Variants in PCAT7 observed in about 807,000 individuals in gnomAD.
The protein encoded by PCAT7 is prostate cancer associated transcript 7.
intron 1 of PCAT7, among the ~76,000 whole-genome samples, chr9:94,555,922 AAGC>A (rs757389679): frequency 4.7e-5 from 7 of 149,138 alleles, no homozygotes; most frequent in African/African-American, 1.7e-4. Flanking sequence ...GGAGGGTGGC[AAGC>A]AGTATAGGGG....
At chr9:94,566,946 T>C (rs900489639) in intron 2 of PCAT7, among the ~76,000 whole-genome samples, 2 of 121,414 alleles carry the variant, frequency 1.6e-5, no homozygotes, top group Non-Finnish European at 3.4e-5. Context: ...TGAGTGAGTC[T>C]ATAGGTTGGA....
In PCAT7 at chr9:94,571,507, CACCAGGGTTGCACT is replaced by C. The variant is rs1267480078; in HGVS notation, n.442-1468_442-1455del. 1.9e-6 allele frequency: 3 copies of C among 1,613,962 alleles called. No individual in the cohort carries two copies. The African/African-American group carries it at 4.0e-5, about 22-fold the overall frequency. Reference sequence around the variant, plus strand: ...CCACGCCTTGCCCTGTGGAGAGAGCCACCAGGGTTGCACTACCGTACAGCGCATAACCTGCGGCC... The same window carrying C: ...CCACGCCTTGCCCTGTGGAGAGAGCCACCGTACAGCGCATAACCTGCGGCC... On this transcript the variant is annotated intron_variant and non_coding_transcript_variant, in intron 2 of 8. Transcript: ENST00000647389.
intron 2 of PCAT7, chr9:94,569,391 C>T (rs373005777): frequency 2.6e-5 from 4 of 152,182 alleles, no homozygotes; most frequent in African/African-American, 9.7e-5. Context: ...TTAATTGAGC[C>T]GGGGTCAATT....
intron 2 of PCAT7, among the ~76,000 whole-genome samples, chr9:94,561,992 G>A (rs1827112372): frequency 6.6e-6 from 1 of 152,112 alleles, no homozygotes; most frequent in African/African-American, 2.4e-5. Flanking sequence ...ATGTAACTGA[G>A]TAAGTGACCA....
intron 2 of PCAT7, chr9:94,570,479 A>T (rs1029567551): frequency 1.3e-5 from 2 of 152,224 alleles, no homozygotes; most frequent in African/African-American, 4.8e-5. Flanking sequence ...TAATAGATGT[A>T]AATTTCATAG....
chr9:94,563,069 A>C (rs1827132796), intron 2 of PCAT7, among the ~76,000 whole-genome samples: 1 of 152,254 alleles, frequency 6.6e-6, no homozygotes, highest in African/African-American at 2.4e-5. Flanking sequence ...AGTGAGACAC[A>C]CAGCTGGTTC....
At chr9:94,569,283 C>T (rs537821938) in intron 2 of PCAT7, 1 of 152,396 alleles carries the variant, frequency 6.6e-6, no homozygotes, top group Non-Finnish European at 1.5e-5. Context: ...GGCCATGTTG[C>T]GAGACCACTG....
At chr9:94,562,551 T>C (rs1345886878) in intron 2 of PCAT7, among the ~76,000 whole-genome samples, 1 of 152,168 alleles carries the variant, frequency 6.6e-6, no homozygotes, top group African/African-American at 2.4e-5. Flanking sequence ...TGGCTTTGAT[T>C]CTTAGCATTC....
At chr9:94,558,186 G>A (rs1827035663) in intron 1 of PCAT7, among the ~76,000 whole-genome samples, 1 of 152,134 alleles carries the variant, frequency 6.6e-6, no homozygotes, top group Non-Finnish European at 1.5e-5. Flanking sequence ...TCCAAAATAA[G>A]ACACAAATAC....
chr9:94,559,104 A>G (rs1459033667), exon 2 of PCAT7: 1 of 1,613,598 alleles, frequency 6.2e-7, no homozygotes, highest in Non-Finnish European at 8.5e-7. Context: ...GATGTAGGCC[A>G]CGGGATTGCA....
chr9:94,554,813 G>A (rs1020642334), upstream of PCAT7, among the ~76,000 whole-genome samples: 3 of 151,988 alleles, frequency 2.0e-5, no homozygotes, highest in Non-Finnish European at 4.4e-5. Context: ...TCCAGGGGGC[G>A]AAAAGTGACG....
chr9:94,570,485 C>G (rs1336825437), intron 2 of PCAT7: 1 of 152,164 alleles, frequency 6.6e-6, no homozygotes, highest in Non-Finnish European at 1.5e-5. Context: ...ATGTAAATTT[C>G]ATAGGACAGG....
At chr9:94,568,889 A>C (rs1324455264) in intron 2 of PCAT7, 1 of 152,148 alleles carries the variant, frequency 6.6e-6, no homozygotes, top group African/African-American at 2.4e-5. Context: ...TCTCTTCCTC[A>C]AATCCTCTTT....
At chr9:94,557,783 T>C (rs1463180030) in intron 1 of PCAT7, among the ~76,000 whole-genome samples, 1 of 152,234 alleles carries the variant, frequency 6.6e-6, no homozygotes. Context: ...TGGATTTGAT[T>C]TGATTTGTCA....
At chr9:94,554,773 G>C (rs905329622), upstream of PCAT7, among the ~76,000 whole-genome samples, 1 of 152,172 alleles carries the variant, frequency 6.6e-6, no homozygotes, top group Non-Finnish European at 1.5e-5. Flanking sequence ...GGGAGGGAGT[G>C]CCCCAGGCTC....
intron 2 of PCAT7, among the ~76,000 whole-genome samples, chr9:94,564,733 C>T (rs1001766207): frequency 6.6e-6 from 1 of 152,012 alleles, no homozygotes; most frequent in Non-Finnish European, 1.5e-5. Flanking sequence ...ACCTGGGAGA[C>T]AAACAATCTA....
At chr9:94,571,665 G>A in intron 2 of PCAT7, 1 of 1,465,482 alleles carries the variant, frequency 6.8e-7, no homozygotes, top group Non-Finnish European at 9.2e-7. Context: ...ACTTTGCCAG[G>A]GGCCTGGGCT....
At chr9:94,564,728 G>A (rs1386176184) in intron 2 of PCAT7, among the ~76,000 whole-genome samples, 4 of 151,874 alleles carry the variant, frequency 2.6e-5, no homozygotes, top group Admixed American at 2.6e-4. Context: ...TTAGTACCTG[G>A]GAGACAAACA....
chr9:94,557,869 T>C (rs1163159159), intron 1 of PCAT7, among the ~76,000 whole-genome samples: 2 of 152,206 alleles, frequency 1.3e-5, no homozygotes. Context: ...AAGATGAGAT[T>C]TCAGATGCAT....
Sources: gnomAD v4.1 joint callset for allele counts (sites outside exome capture counted in the v4.1 genomes callset) on GRCh38, gnomAD v4.1.1 for gene constraint, MANE v1.5 for transcripts, NCBI Gene and HGNC (gene_info 2026-07-23, HGNC 2026-07-21) for gene names.